Variants in RAB11FIP2 observed in about 807,000 individuals in gnomAD.
RAB11FIP2 encodes rab11 family-interacting protein 2.
RAB11FIP2 carries 16 observed loss-of-function variants against 40.9 expected under a neutral mutation model. The observed-to-expected ratio is 0.39, with a 90% CI of 0.26 to 0.59. The LOEUF (loss-of-function observed/expected upper bound fraction) is 0.59. RAB11FIP2 is among the 20% of genes least tolerant of loss of function. The pLI is 0.53. For missense variants in RAB11FIP2, 532 were observed against 606.2 expected, an observed-to-expected ratio of 0.88 and a Z score of 1.28; for synonymous variants, 228 against 213.7, an observed-to-expected ratio of 1.07 and a Z score of -0.58.
At chr10:118,032,412 CGT>C (rs780686995) in intron 3 of RAB11FIP2, among the ~76,000 whole-genome samples, 10 of 148,732 alleles carry the variant, frequency 6.7e-5, no homozygotes, top group Admixed American at 2.0e-4. Context: ...TGCGTGCGTG[CGT>C]GTGTGTGTGT....
chr10:118,015,376 T>C (rs893528820), intron 3 of RAB11FIP2, among the ~76,000 whole-genome samples: 2 of 152,196 alleles, frequency 1.3e-5, no homozygotes, highest in Non-Finnish European at 2.9e-5. Flanking sequence ...ACTTTAAACA[T>C]AGCACTTTTA....
intron 1 of RAB11FIP2, chr10:118,045,561 C>A: frequency 2.4e-6 from 1 of 416,016 alleles, no homozygotes; most frequent in Non-Finnish European, 4.3e-6. Context: ...ACTTAAAATC[C>A]ACCACAAAAT....
At chr10:118,012,380 C>T (rs1241955467) in intron 4 of RAB11FIP2, among the ~76,000 whole-genome samples, 2 of 151,794 alleles carry the variant, frequency 1.3e-5, no homozygotes, top group African/African-American at 4.8e-5. Context: ...ATCTTAGAAA[C>T]ATATGTACTA....
Position 118,008,896 on chromosome 10 carries a change from T to G in RAB11FIP2, c.*102A>C. The G allele has an allele frequency of 1.1e-6, 1 of 926,582 alleles. No individual in the cohort carries two copies. The allele number at this position is 926,582 out of a possible 1,614,324, so 57.4% of individuals were successfully genotyped here. A position where few individuals can be genotyped will look rare whatever the true frequency, so the allele number is the denominator to read the frequency against. Reference sequence around the variant, plus strand: ...CTTCACAATAAAGGAGAATATGTAATGAAACCTGATAGTGTAGTCTCTTTC... The same window carrying G: ...CTTCACAATAAAGGAGAATATGTAAGGAAACCTGATAGTGTAGTCTCTTTC... On this transcript the variant is annotated 3_prime_UTR_variant, in exon 5 of 5. Coordinates refer to ENST00000355624, the MANE Select transcript of RAB11FIP2 (RefSeq NM_014904.3).
chr10:118,039,536 G>T, intron 2 of RAB11FIP2, 96 bp from the exon 3 acceptor site: 1 of 1,027,720 alleles, frequency 9.7e-7, no homozygotes, highest in Non-Finnish European at 1.4e-6. Flanking sequence ...TAGAATGAGA[G>T]CAATTAGCCA....
chr10:118,007,321 G>C lies in RAB11FIP2; in HGVS notation c.*1677C>G, dbSNP rs1846101831. 6.6e-6 allele frequency: 1 copy of C among 151,606 alleles called. No individual in the cohort carries two copies. Among genetic ancestry groups the C allele is most frequent in the Admixed American group, 6.6e-5 (1 of 15,186 alleles). 9.4% of individuals were successfully genotyped at this position (151,606 alleles called of 1,614,324 possible). Reference sequence around the variant, plus strand: ...AGCATTTAATTTTTATGAAAAAAATGTTCATAATTTCAAAATGTATGTTCT... The same window carrying C: ...AGCATTTAATTTTTATGAAAAAAATCTTCATAATTTCAAAATGTATGTTCT... On this transcript the variant is annotated 3_prime_UTR_variant, in exon 5 of 5. Coordinates refer to ENST00000355624, the MANE Select transcript of RAB11FIP2 (RefSeq NM_014904.3).
intron 3 of RAB11FIP2, among the ~76,000 whole-genome samples, chr10:118,029,872 A>G (rs1846391936): frequency 6.6e-6 from 1 of 152,146 alleles, no homozygotes; most frequent in Non-Finnish European, 1.5e-5. Flanking sequence ...TGGACCAAAT[A>G]TTTGAAGTTG....
Position 118,039,299 on chromosome 10 carries a change from T to G in RAB11FIP2, c.938A>C (p.Gln313Pro), listed in dbSNP as rs754295912. The change falls in exon 3 of 5, where the codon CAA (glutamine) becomes CCA (proline). Residue 313 changes from glutamine (Q) to proline (P), a missense_variant. By Grantham distance (76) the Gln-to-Pro change is moderately conservative. Coordinates refer to ENST00000355624, the MANE Select transcript of RAB11FIP2 (RefSeq NM_014904.3). ...PFTNVTASLP[Q>P]KFATLPRKKN... ...CTTCCTTGGCAGTGTTGCAAATTTT[T>G]GGGGTAATGAAGCAGTCACATTTGT... 6.2e-7 allele frequency: 1 copy of G among 1,613,744 alleles called. No homozygotes were observed.
At chr10:118,025,529 G>A (rs1846332383) in intron 3 of RAB11FIP2, among the ~76,000 whole-genome samples, 1 of 152,136 alleles carries the variant, frequency 6.6e-6, no homozygotes, top group African/African-American at 2.4e-5. Flanking sequence ...TCCGATTCCG[G>A]CATTATTACG....
chr10:118,045,771 T>C (rs1846620948), intron 1 of RAB11FIP2, 40 bp downstream of exon 1: 1 of 1,466,012 alleles, frequency 6.8e-7, no homozygotes, highest in Non-Finnish European at 9.2e-7. Flanking sequence ...ATAAATAAGA[T>C]ATAAACTCCC....
At chr10:118,033,795 C>T (rs914739469) in intron 3 of RAB11FIP2, among the ~76,000 whole-genome samples, 9 of 152,048 alleles carry the variant, frequency 5.9e-5, no homozygotes, top group South Asian at 4.1e-4. Flanking sequence ...TTAAACACAA[C>T]GAAAGGTACT....
At chr10:118,043,380 C>A (rs1846586093) in intron 1 of RAB11FIP2, 1 of 151,996 alleles carries the variant, frequency 6.6e-6, no homozygotes, top group Admixed American at 6.6e-5. Context: ...TACACAACAG[C>A]ATCAATGATT....
rs1846116003 is a variant in RAB11FIP2 at position 118,008,139 on chromosome 10, A to T, written c.*859T>A. ...CTTATCTTCTGCTTATACCTTAAAC[A>T]AACTCAAATGTTAATTAATTCAAAT... On this transcript the variant is annotated 3_prime_UTR_variant, in exon 5 of 5. Transcript: ENST00000355624. 1 of 152,334 alleles carries T rather than the reference A, an allele frequency of 6.6e-6. No homozygotes were observed. Among genetic ancestry groups the T allele is most frequent in the Admixed American group, 6.6e-5 (1 of 15,246 alleles). 9.4% of individuals were successfully genotyped at this position (152,334 alleles called of 1,614,324 possible).
chr10:118,026,230 T>G (rs1035658450), intron 3 of RAB11FIP2, among the ~76,000 whole-genome samples: 12 of 152,234 alleles, frequency 7.9e-5, no homozygotes, highest in African/African-American at 2.9e-4. Flanking sequence ...GTACAAGAGA[T>G]ACTATTCCAT....
intron 1 of RAB11FIP2, among the ~76,000 whole-genome samples, chr10:118,044,414 A>T (rs1846600038): frequency 6.6e-6 from 1 of 152,196 alleles, no homozygotes; most frequent in Admixed American, 6.5e-5. Flanking sequence ...TTATTTGGTA[A>T]TTATCCATTT....
chr10:118,040,125 C>A lies in RAB11FIP2; in HGVS notation c.794G>T (p.Ser265Ile). ...GTACACAAGAATGTGACACTTACCA[C>A]TTTCTGGAACTGTTCCAAAGGAATC... Reference protein sequence around the residue: ...QLDSFGTVPESGSLKSPHRRT... With the variant: ...QLDSFGTVPEIGSLKSPHRRT... The change falls in exon 2 of 5, where the codon AGT becomes ATT. Residue 265 changes from serine to isoleucine, a missense_variant and splice_region_variant. Transcript: ENST00000355624. The A allele has an allele frequency of 6.2e-7, 1 of 1,611,344 alleles. No individual in the cohort carries two copies. Among genetic ancestry groups the A allele is most frequent in the Non-Finnish European group, 8.5e-7 (1 of 1,178,362 alleles).
chr10:118,046,054 T>TGGGCAAA lies in RAB11FIP2; in HGVS notation c.109_110insTTTGCCC (p.Tyr37PhefsTer19). The TGGGCAAA allele has an allele frequency of 6.2e-7, 1 of 1,614,208 alleles. No individual in the cohort carries two copies. The highest frequency in any genetic ancestry group is 8.5e-7 in the Non-Finnish European group (1 of 1,180,038). On this transcript the variant is annotated frameshift_variant, in exon 1 of 5. Coordinates refer to ENST00000355624, the MANE Select transcript of RAB11FIP2 (RefSeq NM_014904.3). LOFTEE classifies it high-confidence loss of function. ...TTCCTTGCCCAGCTGAATTATAGTG[T>TGGGCAAA]ATGTGTCATTGGTACCACTTTTGCC...
At chr10:118,023,618 A>G (rs1846307107) in intron 3 of RAB11FIP2, among the ~76,000 whole-genome samples, 1 of 152,190 alleles carries the variant, frequency 6.6e-6, no homozygotes, top group African/African-American at 2.4e-5. Context: ...ACAATTAAAA[A>G]TTGTGGTCAG....
intron 3 of RAB11FIP2, among the ~76,000 whole-genome samples, chr10:118,034,356 T>TAAA (rs56136005): frequency 6.2e-5 from 9 of 145,698 alleles, no homozygotes; most frequent in African/African-American, 1.5e-4. Context: ...ATGTCCTAGT[T>TAAA]AAAAAAAAAA....
Sources: gnomAD v4.1 joint callset for allele counts (sites outside exome capture counted in the v4.1 genomes callset) on GRCh38, gnomAD v4.1.1 for gene constraint, MANE v1.5 for transcripts, NCBI Gene and HGNC (gene_info 2026-07-23, HGNC 2026-07-21) for gene names.